Variants in RPS6KC1 observed in about 807,000 individuals in gnomAD.
RPS6KC1 encodes ribosomal protein S6 kinase C1, also known as inactive ribosomal protein S6 kinase delta-1.
Under a neutral mutation model 103.8 loss-of-function variants are expected in RPS6KC1, and 54 were observed. The observed-to-expected ratio is 0.52, with a 90% CI of 0.42 to 0.65. The LOEUF (loss-of-function observed/expected upper bound fraction) is 0.65. Among genes scored for constraint, RPS6KC1 ranks in the 30% least tolerant of loss-of-function variants. RPS6KC1 has a pLI of 0.00. For synonymous variants in RPS6KC1, 439 were observed against 438.7 expected (o/e 1.00, Z -0.01); for missense variants, 1,151 against 1,253.8 (o/e 0.92, Z 1.24).
At chr1:213,332,008 A>G in the RPS6KC1 span, among the ~76,000 whole-genome samples, 1 of 151,064 alleles carries the variant, frequency 6.6e-6, no homozygotes, top group Non-Finnish European at 1.5e-5. Context: ...TTTGGTAACT[A>G]TCTGGGGCAT....
the RPS6KC1 span, among the ~76,000 whole-genome samples, chr1:213,600,065 T>C: frequency 6.6e-6 from 1 of 152,162 alleles, no homozygotes; most frequent in Non-Finnish European, 1.5e-5. Context: ...TTAGATCTGA[T>C]GGTTTTATAA....
the RPS6KC1 span, among the ~76,000 whole-genome samples, chr1:213,563,956 G>GT: frequency 6.9e-5 from 9 of 131,296 alleles, no homozygotes; most frequent in African/African-American, 1.6e-4. Flanking sequence ...TGTTTACCAA[G>GT]TTTTTTTGCT....
chr1:213,596,691 T>A, the RPS6KC1 span, among the ~76,000 whole-genome samples: 1 of 152,280 alleles, frequency 6.6e-6, no homozygotes, highest in Non-Finnish European at 1.5e-5. Flanking sequence ...CATAAAACTT[T>A]ACTTTTGAAG....
intron 14 of RPS6KC1, among the ~76,000 whole-genome samples, chr1:213,270,881 A>G (rs2149179124): frequency 6.6e-6 from 1 of 152,214 alleles, no homozygotes. Context: ...TAAAACCATA[A>G]CAAGATACTA....
At chr1:213,380,418 A>C in the RPS6KC1 span, among the ~76,000 whole-genome samples, 1 of 151,970 alleles carries the variant, frequency 6.6e-6, no homozygotes, top group Non-Finnish European at 1.5e-5. Context: ...TGTATAACAA[A>C]CCCCCATGAT....
chr1:213,169,618 G>T (rs1336630072), intron 7 of RPS6KC1, among the ~76,000 whole-genome samples: 1 of 151,870 alleles, frequency 6.6e-6, no homozygotes, highest in African/African-American at 2.4e-5. Flanking sequence ...TTTTCCGTGG[G>T]ATTGACAACC....
intron 6 of RPS6KC1, among the ~76,000 whole-genome samples, chr1:213,151,773 C>T (rs554861588): frequency 3.1e-4 from 40 of 127,482 alleles, no homozygotes; most frequent in South Asian, 1.3e-3. Flanking sequence ...GCTGGCCTGG[C>T]GGGGGGCTGA....
chr1:213,524,461 C>T, the RPS6KC1 span, among the ~76,000 whole-genome samples: 9 of 152,100 alleles, frequency 5.9e-5, no homozygotes, highest in South Asian at 1.9e-3. Flanking sequence ...ACTAGCTTCA[C>T]TTCTGATAGA....
chr1:213,653,161 G>C, the RPS6KC1 span, among the ~76,000 whole-genome samples: 1 of 152,162 alleles, frequency 6.6e-6, no homozygotes, highest in Non-Finnish European at 1.5e-5. Flanking sequence ...GATAATTTAA[G>C]AACACTAGCA....
the RPS6KC1 span, among the ~76,000 whole-genome samples, chr1:213,401,308 G>A: frequency 6.6e-6 from 1 of 152,200 alleles, no homozygotes; most frequent in Non-Finnish European, 1.5e-5. Flanking sequence ...CTGAGATAGA[G>A]AGGGGCTAAG....
the RPS6KC1 span, among the ~76,000 whole-genome samples, chr1:213,391,578 T>C: frequency 6.6e-6 from 1 of 152,174 alleles, no homozygotes; most frequent in Non-Finnish European, 1.5e-5. Context: ...GGAATACAGG[T>C]GGTAAAGAGG....
At chr1:213,726,774 T>C in the RPS6KC1 span, among the ~76,000 whole-genome samples, 33 of 152,338 alleles carry the variant, frequency 2.2e-4, no homozygotes, top group South Asian at 6.4e-3. Context: ...TTATGTCTTA[T>C]ATGAAACATT....
the RPS6KC1 span, among the ~76,000 whole-genome samples, chr1:213,661,222 G>T: frequency 1.3e-5 from 2 of 152,138 alleles, no homozygotes; most frequent in Non-Finnish European, 2.9e-5. Context: ...ATAACTATAG[G>T]ACTGACCCAA....
intron 1 of RPS6KC1, among the ~76,000 whole-genome samples, chr1:213,057,527 T>C (rs1228555383): frequency 6.6e-6 from 1 of 152,160 alleles, no homozygotes; most frequent in Non-Finnish European, 1.5e-5. Context: ...GATCTATCTA[T>C]ACTACTATAC....
the RPS6KC1 span, among the ~76,000 whole-genome samples, chr1:213,617,249 G>A: frequency 1.3e-5 from 2 of 152,092 alleles, no homozygotes; most frequent in African/African-American, 4.8e-5. Context: ...CAGGTGGGGG[G>A]TGTCACCACA....
At chr1:213,338,149 A>G in the RPS6KC1 span, among the ~76,000 whole-genome samples, 1 of 152,154 alleles carries the variant, frequency 6.6e-6, no homozygotes. Flanking sequence ...TTATGAATGA[A>G]TCTTAGGCCT....
chr1:213,526,477 G>A, the RPS6KC1 span, among the ~76,000 whole-genome samples: 1 of 152,218 alleles, frequency 6.6e-6, no homozygotes, highest in Non-Finnish European at 1.5e-5. Flanking sequence ...AAGCATAGGA[G>A]GGGAGGAGAG....
chr1:213,799,007 A>G, the RPS6KC1 span, among the ~76,000 whole-genome samples: 1 of 152,146 alleles, frequency 6.6e-6, no homozygotes, highest in Admixed American at 6.5e-5. Context: ...GACCTCAACT[A>G]GTTTGGAGAT....
chr1:213,854,548 CTTTCTTTCTTTCTT>C, the RPS6KC1 span, among the ~76,000 whole-genome samples: 1,883 of 108,024 alleles, frequency 0.017, 40 homozygotes, highest in African/African-American at 0.076. Flanking sequence ...TTCTTTCTTT[CTTTCTTTCTTTCTT>C]TCTCTCTCTC....
Sources: allele counts gnomAD v4.1 joint callset (sites outside exome capture counted in the v4.1 genomes callset), GRCh38; gene constraint gnomAD v4.1.1; transcripts MANE v1.5; gene names NCBI Gene and HGNC (gene_info 2026-07-23, HGNC 2026-07-21).